NUP155: variants seen among roughly 807,000 people sequenced by gnomAD.
NUP155 encodes the protein nucleoporin 155.
A neutral mutation model predicts 180.4 loss-of-function variants in NUP155; 71 were observed. The ratio of observed to expected loss-of-function variants is 0.39; its 90% confidence interval spans 0.33 to 0.48. The LOEUF (loss-of-function observed/expected upper bound fraction) is 0.48. NUP155 is among the 20% of genes least tolerant of loss of function. NUP155 has a pLI of 0.91. For synonymous variants in NUP155, 582 were observed against 559.5 expected (o/e 1.04, Z -0.57); for missense variants, 1,553 against 1,648.9 (o/e 0.94, Z 1.01).
At position 37,291,896 on chromosome 5, in the gene NUP155, G is replaced by T; in HGVS notation, c.*4C>A. On this transcript the variant is annotated 3_prime_UTR_variant, in exon 35 of 35. Coordinates refer to ENST00000231498, the MANE Select transcript of NUP155 (RefSeq NM_153485.3). ...ATAAAACGGATGAAAGTATATCACA[G>T]TAATTAATGAAGCCGTTCTAATTTA... 6.2e-7 allele frequency: 1 copy of T among 1,613,384 alleles called. No homozygotes were observed. The highest frequency in any genetic ancestry group is 1.1e-5 in the South Asian group (1 of 91,066).
intron 1 of NUP155, among the ~76,000 whole-genome samples, chr5:37,370,209 A>G (rs1351435953): frequency 6.6e-6 from 1 of 152,130 alleles, no homozygotes; most frequent in African/African-American, 2.4e-5. Context: ...GTCTCTACTT[A>G]AAAAACACAA....
At chr5:37,324,539 A>G (rs1298530918) in intron 19 of NUP155, among the ~76,000 whole-genome samples, 1 of 150,772 alleles carries the variant, frequency 6.6e-6, no homozygotes, top group East Asian at 1.9e-4. Flanking sequence ...AGGCAAATAC[A>G]CTCTTATTCT....
At chr5:37,331,266 G>C (rs1360705330) in intron 14 of NUP155, among the ~76,000 whole-genome samples, 2 of 151,990 alleles carry the variant, frequency 1.3e-5, no homozygotes. Context: ...GCAAAGAAAG[G>C]AATATTGTTA....
At chr5:37,324,787 A>C (rs1303212976) in intron 19 of NUP155, among the ~76,000 whole-genome samples, 1 of 152,156 alleles carries the variant, frequency 6.6e-6, no homozygotes, top group Non-Finnish European at 1.5e-5. Flanking sequence ...TCCTGGGCTC[A>C]AGCCTTCCAA....
chr5:37,333,190 A>G (rs1182773640), intron 13 of NUP155, among the ~76,000 whole-genome samples: 1 of 151,484 alleles, frequency 6.6e-6, no homozygotes. Flanking sequence ...CCCCATCTCT[A>G]CTAAAAATAC....
Position 37,298,956 on chromosome 5 carries a change from C to G in NUP155, c.3705G>C (p.Leu1235Phe), listed in dbSNP as rs1742724757. 6.2e-7 allele frequency: 1 copy of G among 1,608,890 alleles called. No individual in the cohort carries two copies. The highest frequency in any genetic ancestry group is 1.7e-5 in the Admixed American group (1 of 59,980). The change falls in exon 32 of 35, where the codon TTG (leucine) becomes TTC (phenylalanine). Residue 1235 changes from leucine (L) to phenylalanine (F), a missense_variant. Physicochemically the swap from Leu to Phe is conservative, Grantham distance 22. Transcript: ENST00000231498. The stretch of plus-strand genomic sequence containing the variant: ...GAGCATGCATTCTATCCGAGGAGCT[C>G]AATGTCACACTGTCACTCAATTCTG... ...IEKELSDSVT[L>F]SSSDRMHALS... is the part of the protein sequence containing the mutation.
intron 3 of NUP155, among the ~76,000 whole-genome samples, chr5:37,360,154 A>C (rs1029466913): frequency 4.0e-5 from 6 of 151,668 alleles, no homozygotes; most frequent in African/African-American, 1.5e-4. Context: ...AAAAAAAAAT[A>C]GGTAAAGAAT....
chr5:37,302,426 A>C (rs150948100), intron 29 of NUP155, among the ~76,000 whole-genome samples: 3,858 of 152,172 alleles, frequency 0.025, 153 homozygotes, highest in African/African-American at 0.088. Context: ...AGTAGAGACA[A>C]GGTTTCGCCA....
At chr5:37,317,007 CAA>C (rs1263259747) in intron 21 of NUP155, among the ~76,000 whole-genome samples, 1 of 133,736 alleles carries the variant, frequency 7.5e-6, no homozygotes, top group Non-Finnish European at 1.6e-5. Flanking sequence ...ACTAAAAATA[CAA>C]AAAAAAAAAA....
At chr5:37,303,235 T>C in intron 28 of NUP155, 25 bp downstream of exon 28, 2 of 1,612,950 alleles carry the variant, frequency 1.2e-6, no homozygotes, top group Non-Finnish European at 1.7e-6. Context: ...GAATCATTCT[T>C]CACAATAAGA....
In NUP155 at chr5:37,348,536, C is replaced by T; in HGVS notation, c.964G>A (p.Ala322Thr). Residue 322 changes from alanine to threonine, a missense_variant, in exon 9 of 35, where the codon GCC becomes ACC. By Grantham distance (58) the Ala-to-Thr change is moderately conservative. Coordinates refer to ENST00000231498, the MANE Select transcript of NUP155 (RefSeq NM_153485.3). ...ATGTTACCAGCAGCAGAGACAATGG[C>T]ATTCTGTGACACAGAGGCAACTCTG... The part of the protein sequence containing the change: ...MSRVASVSQN[A>T]IVSAAGNIAR... The T allele has an allele frequency of 1.2e-6, 2 of 1,611,960 alleles. No homozygotes were observed. Among genetic ancestry groups the T allele is most frequent in the Non-Finnish European group, 1.7e-6 (2 of 1,178,034 alleles).
At chr5:37,333,073 G>C (rs962885302) in intron 13 of NUP155, among the ~76,000 whole-genome samples, 5 of 152,212 alleles carry the variant, frequency 3.3e-5, no homozygotes, top group Admixed American at 6.5e-5. Flanking sequence ...AAACCAGGAA[G>C]GCTGGGTGCA....
chr5:37,324,212 G>T (rs374826653), intron 19 of NUP155, 105 bp from the exon 20 acceptor site: 5 of 753,406 alleles, frequency 6.6e-6, no homozygotes, highest in African/African-American at 5.2e-5. Flanking sequence ...GTTATTTCTT[G>T]TATCAATTCA....
At position 37,299,443 on chromosome 5, in the gene NUP155, C is replaced by A. The variant is rs1554124458; in HGVS notation, c.3682+5G>T. 6.2e-7 allele frequency: 1 copy of A among 1,613,974 alleles called. No homozygotes were observed. ...ATGCTAACATACCTATAACTGAACA[C>A]TTACCTTTCTCTATGATATCTTGCC... On this transcript the variant is annotated splice_donor_5th_base_variant and intron_variant, in intron 31 of 34. Transcript: ENST00000231498.
intron 13 of NUP155, among the ~76,000 whole-genome samples, chr5:37,332,890 G>A (rs1010508091): frequency 6.6e-6 from 1 of 152,074 alleles, no homozygotes; most frequent in African/African-American, 2.4e-5. Context: ...CTGGGAGGCA[G>A]AGGTTGCCGT....
intron 9 of NUP155, among the ~76,000 whole-genome samples, chr5:37,343,861 A>G (rs753478710): frequency 1.3e-5 from 2 of 152,180 alleles, no homozygotes; most frequent in Non-Finnish European, 2.9e-5. Flanking sequence ...ACTGCAGTCC[A>G]GCCTGGGCAA....
intron 9 of NUP155, among the ~76,000 whole-genome samples, chr5:37,344,867 A>T (rs1581190434): frequency 6.9e-6 from 1 of 145,412 alleles, no homozygotes; most frequent in Admixed American, 7.1e-5. Context: ...GCAAGACTCC[A>T]TCTCAAAAAA....
intron 20 of NUP155, among the ~76,000 whole-genome samples, chr5:37,318,493 A>C (rs1285760409): frequency 1.3e-5 from 2 of 151,978 alleles, no homozygotes; most frequent in African/African-American, 2.4e-5. Context: ...AAAAAAAAAA[A>C]CTAACATCTG....
chr5:37,309,056 G>C, intron 24 of NUP155, 73 bp downstream of exon 24: 2 of 1,511,050 alleles, frequency 1.3e-6, no homozygotes, highest in Admixed American at 3.4e-5. Flanking sequence ...TTCATCATTA[G>C]CTTGCTTCAT....
Sources: allele counts gnomAD v4.1 joint callset (sites outside exome capture counted in the v4.1 genomes callset), GRCh38; gene constraint gnomAD v4.1.1; transcripts MANE v1.5; gene names NCBI Gene and HGNC (gene_info 2026-07-23, HGNC 2026-07-21).